The following DOP1A variants were observed in gnomAD, a reference collection of about 807,000 sequenced individuals.
DOP1A encodes protein DOP1A.
DOP1A carries 90 observed loss-of-function variants against 267.6 expected under a neutral mutation model. That is an observed-to-expected ratio of 0.34 (90% CI 0.28 to 0.40). The LOEUF (loss-of-function observed/expected upper bound fraction) is 0.40, where lower values mean the gene tolerates loss of function less well. Among genes scored for constraint, DOP1A ranks in the 10% least tolerant of loss-of-function variants. The probability of loss-of-function intolerance (pLI) is 1.00; values close to 1 mark genes in which losing one functional copy is unlikely to be tolerated. For missense variants in DOP1A, 2,437 were observed against 2,900.4 expected (o/e 0.84, Z 3.67); for synonymous variants, 932 against 999.1 (o/e 0.93, Z 1.27).
At chr6:83,147,577 T>C (rs1025290975) in intron 26 of DOP1A, among the ~76,000 whole-genome samples, 2 of 152,256 alleles carry the variant, frequency 1.3e-5, no homozygotes, top group African/African-American at 4.8e-5. Context: ...ATTCTGCTTT[T>C]TTAATGTTAG....
chr6:83,126,322 C>T (rs1777143991), intron 15 of DOP1A, among the ~76,000 whole-genome samples: 1 of 151,850 alleles, frequency 6.6e-6, no homozygotes, highest in Non-Finnish European at 1.5e-5. Flanking sequence ...GAGAGGTTCT[C>T]AATCTGGTCT....
At chr6:83,116,850 GT>G (rs1473378385) in intron 7 of DOP1A, among the ~76,000 whole-genome samples, 2 of 152,024 alleles carry the variant, frequency 1.3e-5, no homozygotes, top group East Asian at 3.9e-4. Context: ...CTAAATGCAA[GT>G]TTTCCATAAT....
Position 83,168,220 on chromosome 6 carries a change from C to T in DOP1A, c.*53C>T, listed in dbSNP as rs1316377813. The T allele has an allele frequency of 5.8e-6, 9 of 1,556,838 alleles. No individual in the cohort carries two copies. In the Admixed American group the frequency reaches 1.3e-4, roughly 23 times the overall value. ...CATGTAAATGTAATTATTTAAAACA[C>T]ACACACTGCTCTGCGTTGTATAGTT... is the stretch of plus-strand genomic sequence containing the variant. On this transcript the variant is annotated 3_prime_UTR_variant, in exon 39 of 39. Transcript: ENST00000349129.
Position 83,148,810 on chromosome 6 carries a change from G to A in DOP1A, c.5784G>A (p.Leu1928=), listed in dbSNP as rs746852399. ...VDSWASLLIL[L]KDSIQLSLPA... ...GCTGGGCGTCACTGTTGATACTTCT[G>A]AAAGACTCTATACAACTGAGTCTTC... The change falls in exon 27 of 39, where the codon CTG becomes CTA. Residue 1928 remains leucine (L), a synonymous_variant. Transcript: ENST00000349129. 1.9e-6 allele frequency: 3 copies of A among 1,561,098 alleles called. No individual in the cohort carries two copies. Among genetic ancestry groups the A allele is most frequent in the African/African-American group, 2.8e-5 (2 of 70,910 alleles).
intron 15 of DOP1A, among the ~76,000 whole-genome samples, chr6:83,127,497 G>T (rs1777375792): frequency 6.6e-6 from 1 of 152,204 alleles, no homozygotes; most frequent in Non-Finnish European, 1.5e-5. Context: ...GCCTTGAGCT[G>T]TTCGAGGGCT....
intron 1 of DOP1A, among the ~76,000 whole-genome samples, chr6:83,072,254 G>A (rs938803847): frequency 6.6e-6 from 1 of 151,726 alleles, no homozygotes; most frequent in Non-Finnish European, 1.5e-5. Context: ...CTGTTATTTC[G>A]TGTTCATGAA....
intron 1 of DOP1A, among the ~76,000 whole-genome samples, chr6:83,070,251 T>C (rs1785367579): frequency 6.6e-6 from 1 of 152,204 alleles, no homozygotes; most frequent in African/African-American, 2.4e-5. Flanking sequence ...TAAGTAGAAA[T>C]ATAAAGCTAA....
intron 6 of DOP1A, among the ~76,000 whole-genome samples, chr6:83,112,761 C>G (rs1299216933): frequency 1.3e-5 from 2 of 152,224 alleles, no homozygotes; most frequent in South Asian, 2.1e-4. Flanking sequence ...CCATGCCTAA[C>G]AGCATTATGC....
chr6:83,168,390 A>G lies in DOP1A; in HGVS notation c.*223A>G, dbSNP rs1786365154. 3 of 1,309,722 alleles carry G rather than the reference A, an allele frequency of 2.3e-6. No homozygotes were observed. In the African/African-American group the frequency reaches 4.5e-5, roughly 20 times the overall value. 81.1% of individuals were successfully genotyped at this position (1,309,722 alleles called of 1,614,324 possible). A position where few individuals can be genotyped will look rare whatever the true frequency, so the allele number is the denominator to read the frequency against. ...ATTATGGTGCCTAAGAGAGCTATAT[A>G]TATACACATGTAAAGTCCATTGTTT... On this transcript the variant is annotated 3_prime_UTR_variant, in exon 39 of 39. Transcript: ENST00000349129.
At chr6:83,079,298 AT>A (rs1387401553) in intron 1 of DOP1A, among the ~76,000 whole-genome samples, 1 of 152,066 alleles carries the variant, frequency 6.6e-6, no homozygotes, top group Non-Finnish European at 1.5e-5. Flanking sequence ...ATCTCAGTGA[AT>A]TTTTTTGCAT....
intron 38 of DOP1A, chr6:83,167,079 A>C (rs1785907032): frequency 1.0e-6 from 1 of 983,960 alleles, no homozygotes; most frequent in African/African-American, 1.7e-5. Flanking sequence ...CTTAATACCC[A>C]AATTATTAGT....
rs371995917 is a variant in DOP1A at position 83,167,675 on chromosome 6, G to A, written c.7093-187G>A. 38 of 1,374,486 alleles carry A rather than the reference G, an allele frequency of 2.8e-5. No individual in the cohort carries two copies. In the East Asian group the frequency reaches 1.0e-3, roughly 36 times the overall value. The allele number at this position is 1,374,486 out of a possible 1,614,324, so 85.1% of individuals were successfully genotyped here. On this transcript the variant is annotated intron_variant, in intron 38 of 38. Coordinates refer to ENST00000349129, the MANE Select transcript of DOP1A (RefSeq NM_015018.4). The stretch of plus-strand genomic sequence containing the variant: ...TTACTACAATGTTAGACTGCTCCAT[G>A]TAAAACTAATAAATGGCAGTAAAAG...
intron 9 of DOP1A, among the ~76,000 whole-genome samples, chr6:83,120,129 A>G (rs1212259739): frequency 6.6e-6 from 1 of 152,002 alleles, no homozygotes; most frequent in African/African-American, 2.4e-5. Context: ...TGTCTGCTCA[A>G]TGGAAGTTGG....
chr6:83,119,634 G>A (rs1369859422), intron 8 of DOP1A, 114 bp from the exon 9 acceptor site: 2 of 699,886 alleles, frequency 2.9e-6, no homozygotes, highest in Admixed American at 5.1e-5. Context: ...CATTGAATGG[G>A]CTACTAATTG....
chr6:83,125,839 C>A, intron 15 of DOP1A, 106 bp downstream of exon 15: 1 of 1,000,996 alleles, frequency 1.0e-6, no homozygotes, highest in Non-Finnish European at 1.4e-6. Context: ...AATAGTGAGT[C>A]TTTCCTAGAT....
intron 7 of DOP1A, among the ~76,000 whole-genome samples, chr6:83,117,836 T>A (rs571454989): frequency 6.6e-6 from 1 of 152,254 alleles, no homozygotes; most frequent in South Asian, 2.1e-4. Context: ...ATAGAAGGCA[T>A]TTGTGTTCAA....
intron 1 of DOP1A, among the ~76,000 whole-genome samples, chr6:83,081,243 G>A (rs1428173983): frequency 6.6e-6 from 1 of 152,132 alleles, no homozygotes; most frequent in African/African-American, 2.4e-5. Flanking sequence ...GAGTAGCTGG[G>A]ATTACAGGCA....
At chr6:83,102,951 C>T (rs1562298255) in intron 4 of DOP1A, among the ~76,000 whole-genome samples, 3 of 152,196 alleles carry the variant, frequency 2.0e-5, no homozygotes, top group Admixed American at 6.5e-5. Context: ...TTGCTATTCT[C>T]TTGCCCTGTA....
At chr6:83,100,626 T>C in intron 3 of DOP1A, 79 bp from the exon 4 acceptor site, 1 of 1,026,712 alleles carries the variant, frequency 9.7e-7, no homozygotes, top group Non-Finnish European at 1.3e-6. Context: ...TCATTTTTTA[T>C]AATACTATGC....
Sources: gnomAD v4.1 joint callset for allele counts (sites outside exome capture counted in the v4.1 genomes callset) on GRCh38, gnomAD v4.1.1 for gene constraint, MANE v1.5 for transcripts, NCBI Gene and HGNC (gene_info 2026-07-23, HGNC 2026-07-21) for gene names.